The following CPVL variants were observed in gnomAD, a reference collection of about 807,000 sequenced individuals.
CPVL encodes the protein carboxypeptidase vitellogenic like.
CPVL carries 51 observed loss-of-function variants against 63.7 expected under a neutral mutation model. That is an observed-to-expected ratio of 0.80 (90% confidence interval 0.64 to 1.01). The LOEUF is 1.01. Among genes scored for constraint, CPVL ranks in the 50% least tolerant of loss-of-function variants. The probability of loss-of-function intolerance (pLI) is 0.00; values close to 1 mark genes in which losing one functional copy is unlikely to be tolerated. For synonymous variants in CPVL, 195 were observed against 206.0 expected, an observed-to-expected ratio of 0.95 and a Z score of 0.46; for missense variants, 530 against 573.1, an observed-to-expected ratio of 0.92 and a Z score of 0.77.
At chr7:29,175,061 C>T (rs910032146) in intron 5 of CPVL, among the ~76,000 whole-genome samples, 11 of 152,136 alleles carry the variant, frequency 7.2e-5, no homozygotes, top group African/African-American at 2.6e-4. Context: ...CCCATAATTC[C>T]CATATGTTGT....
chr7:29,103,205 A>C (rs1787370513), intron 3 of CPVL, among the ~76,000 whole-genome samples: 1 of 133,258 alleles, frequency 7.5e-6, no homozygotes, highest in African/African-American at 2.7e-5. Flanking sequence ...GGTGCTAAAA[A>C]CTTGCCAATT....
intron 2 of CPVL, among the ~76,000 whole-genome samples, chr7:29,116,911 A>G (rs1788824393): frequency 6.6e-6 from 1 of 152,238 alleles, no homozygotes; most frequent in African/African-American, 2.4e-5. Flanking sequence ...AAAATGTTCC[A>G]TTGCAATAAT....
chr7:29,108,011 CTGAT>C (rs1787892847), intron 3 of CPVL, among the ~76,000 whole-genome samples: 1 of 152,216 alleles, frequency 6.6e-6, no homozygotes, highest in Admixed American at 6.5e-5. Flanking sequence ...CAATTGACTG[CTGAT>C]TGTGCTATCT....
intron 12 of CPVL, among the ~76,000 whole-genome samples, chr7:29,024,055 C>A (rs1051240990): frequency 6.6e-6 from 1 of 151,758 alleles, no homozygotes; most frequent in Non-Finnish European, 1.5e-5. Flanking sequence ...AGAAGCTTAG[C>A]GAGATACAAG....
intron 2 of CPVL, among the ~76,000 whole-genome samples, chr7:29,118,427 TCACAAG>T (rs2128637528): frequency 6.6e-6 from 1 of 152,332 alleles, no homozygotes; most frequent in Non-Finnish European, 1.5e-5. Flanking sequence ...CTTTGCCTCT[TCACAAG>T]CATCTTAATG....
chr7:29,187,008 G>A (rs1798795811), intron 1 of CPVL, among the ~76,000 whole-genome samples: 1 of 152,126 alleles, frequency 6.6e-6, no homozygotes. Flanking sequence ...CTCACTTCAG[G>A]ATTGTTATGG....
intron 4 of CPVL, among the ~76,000 whole-genome samples, chr7:29,182,850 C>T (rs574824038): frequency 6.6e-6 from 1 of 152,120 alleles, no homozygotes; most frequent in East Asian, 1.9e-4. Context: ...GTGTTAATCC[C>T]GTTTTTGCCC....
chr7:29,039,472 G>C (rs539969230), intron 11 of CPVL, among the ~76,000 whole-genome samples: 1 of 152,292 alleles, frequency 6.6e-6, no homozygotes, highest in South Asian at 2.1e-4. Context: ...GTCAGGCAGT[G>C]CCATGATGAT....
At chr7:29,135,101 C>T (rs1303469752) in intron 1 of CPVL, among the ~76,000 whole-genome samples, 2 of 53,992 alleles carry the variant, frequency 3.7e-5, no homozygotes, top group Non-Finnish European at 6.8e-5. Flanking sequence ...GAGACCTTGC[C>T]TCAAAAAAAA....
At chr7:29,138,597 G>C (rs1388554911) in intron 1 of CPVL, among the ~76,000 whole-genome samples, 1 of 152,112 alleles carries the variant, frequency 6.6e-6, no homozygotes, top group South Asian at 2.1e-4. Flanking sequence ...GAGAAAGAGA[G>C]AGACCCAGAT....
Position 29,003,568 on chromosome 7 carries a change from A to G in CPVL, c.1321-7686T>C, listed in dbSNP as rs1219819897. On this transcript the variant is annotated intron_variant, in intron 12 of 12. Coordinates refer to ENST00000265394, the MANE Select transcript of CPVL (RefSeq NM_031311.5). ...ACTGAGAATTTACATATGTGAACAC[A>G]AGTAAGGAGTATCAATAATTAATAA... Among the ~76,000 whole-genome samples, 11 of 152,330 alleles carry G rather than the reference A, an allele frequency of 7.2e-5. No homozygotes were observed. The East Asian group carries it at 1.5e-3, about 21-fold the overall frequency.
chr7:29,025,263 T>C (rs1372847730), intron 12 of CPVL, among the ~76,000 whole-genome samples: 1 of 152,220 alleles, frequency 6.6e-6, no homozygotes, highest in Non-Finnish European at 1.5e-5. Context: ...CTGTAGGCTA[T>C]ACAAGTATGG....
At chr7:29,046,144 G>A (rs906533328) in intron 11 of CPVL, among the ~76,000 whole-genome samples, 1 of 150,618 alleles carries the variant, frequency 6.6e-6, no homozygotes, top group Admixed American at 6.6e-5. Context: ...GAGTGCAGTG[G>A]CGTGATCGCG....
chr7:29,158,582 CT>C (rs1794749138), intron 5 of CPVL, among the ~76,000 whole-genome samples: 2 of 152,112 alleles, frequency 1.3e-5, no homozygotes, highest in Non-Finnish European at 2.9e-5. Context: ...CTTCAACATC[CT>C]CTACGAGATC....
intron 3 of CPVL, among the ~76,000 whole-genome samples, chr7:29,097,062 G>A (rs1786506931): frequency 6.6e-6 from 1 of 151,848 alleles, no homozygotes; most frequent in African/African-American, 2.4e-5. Context: ...GGAAAAATGA[G>A]GAGGAGCAGA....
At chr7:28,999,482 A>G (rs1249762077) in intron 12 of CPVL, among the ~76,000 whole-genome samples, 1 of 152,226 alleles carries the variant, frequency 6.6e-6, no homozygotes, top group Non-Finnish European at 1.5e-5. Context: ...TTTGATTAAC[A>G]CCTACTCATG....
chr7:29,103,615 A>G (rs1157327061), intron 3 of CPVL, among the ~76,000 whole-genome samples: 6 of 152,064 alleles, frequency 3.9e-5, no homozygotes, highest in African/African-American at 1.2e-4. Context: ...AGGAATCTCA[A>G]CAAGTGTTAG....
intron 1 of CPVL, among the ~76,000 whole-genome samples, chr7:29,138,797 T>G (rs1433654071): frequency 6.6e-6 from 1 of 152,192 alleles, no homozygotes; most frequent in Non-Finnish European, 1.5e-5. Context: ...CAGAGACTGC[T>G]GAGAGTCTAA....
At chr7:29,183,771 T>C (rs989624672) in intron 4 of CPVL, among the ~76,000 whole-genome samples, 1 of 152,202 alleles carries the variant, frequency 6.6e-6, no homozygotes, top group Non-Finnish European at 1.5e-5. Flanking sequence ...ATATATGATA[T>C]ATGTAGATTA....
Sources: gnomAD v4.1 joint callset for allele counts (sites outside exome capture counted in the v4.1 genomes callset) on GRCh38, gnomAD v4.1.1 for gene constraint, MANE v1.5 for transcripts, NCBI Gene and HGNC (gene_info 2026-07-23, HGNC 2026-07-21) for gene names.